CSNK1G1: variants seen among roughly 807,000 people sequenced by gnomAD.
CSNK1G1 encodes casein kinase I isoform gamma-1.
CSNK1G1 carries 22 observed loss-of-function variants against 59.6 expected under a neutral mutation model. The ratio of observed to expected loss-of-function variants is 0.37; its 90% CI spans 0.26 to 0.53. CSNK1G1 has a LOEUF of 0.53. Ranked by LOEUF, CSNK1G1 falls within the 20% of genes least tolerant of loss-of-function variation. CSNK1G1 has a pLI of 0.89. For missense variants in CSNK1G1, 384 were observed against 519.5 expected, an observed-to-expected ratio of 0.74 and a Z score of 2.54; for synonymous variants, 179 against 177.1, an observed-to-expected ratio of 1.01 and a Z score of -0.08.
Position 64,182,132 on chromosome 15 carries a change from C to T in CSNK1G1, c.1108-1678G>A, listed in dbSNP as rs541722953. On this transcript the variant is annotated intron_variant, in intron 10 of 11. Transcript: ENST00000303052. The stretch of plus-strand genomic sequence containing the variant: ...AGGCTGGAGTGCAGTGGCATGATCT[C>T]GGCTCACTGCAACCTCTACCTCCCA... Among the ~76,000 whole-genome samples, 57 of 132,584 alleles carry T rather than the reference C, an allele frequency of 4.3e-4. No individual in the cohort carries two copies. In the South Asian group the frequency reaches 6.9e-3, roughly 16 times the overall value. The allele number at this position is 132,584 out of a possible 152,430, so 87.0% of individuals were successfully genotyped here.
At chr15:64,238,518 A>AATATATATATATATATATATATATAT (rs1212005568) in intron 4 of CSNK1G1, among the ~76,000 whole-genome samples, 2 of 49,246 alleles carry the variant, frequency 4.1e-5, no homozygotes, top group Admixed American at 3.1e-4. Context: ...AAAAAAAAAA[A>AATATATATATATATATATATATATAT]ATATATATAT....
At chr15:64,322,826 TAAATA>T (rs1896632589) in intron 1 of CSNK1G1, among the ~76,000 whole-genome samples, 1 of 152,034 alleles carries the variant, frequency 6.6e-6, no homozygotes, top group African/African-American at 2.4e-5. Context: ...TCTCAAAAAC[TAAATA>T]AGTAAGTAAA....
At position 64,298,785 on chromosome 15, in the gene CSNK1G1, C is replaced by T. The variant is rs187964659; in HGVS notation, c.181+1534G>A. 1.3e-3 allele frequency among the ~76,000 whole-genome samples: 191 copies of T among 151,888 alleles called. 4 individuals carry two copies. In the East Asian group the frequency reaches 0.032, roughly 25 times the overall value. On this transcript the variant is annotated intron_variant, in intron 2 of 11. Transcript: ENST00000303052. ...AGTGGCTCAGCCTGTAATCCCAGCA[C>T]TTTGGGAGGCCGAGGCGGGTGGATC...
chr15:64,254,353 CTTT>C (rs564370323), intron 3 of CSNK1G1, among the ~76,000 whole-genome samples: 4 of 135,164 alleles, frequency 3.0e-5, no homozygotes, highest in African/African-American at 5.5e-5. Context: ...TGCCATTGAA[CTTT>C]TTTTTTTTTT....
intron 6 of CSNK1G1, 141 bp from the exon 7 acceptor site, chr15:64,207,735 G>A: frequency 1.6e-6 from 1 of 628,844 alleles, no homozygotes; most frequent in South Asian, 1.8e-5. Context: ...ACCAAGGATA[G>A]TATTTTAGAT....
chr15:64,275,595 T>G (rs972260923), intron 2 of CSNK1G1, among the ~76,000 whole-genome samples: 1 of 152,156 alleles, frequency 6.6e-6, no homozygotes, highest in Non-Finnish European at 1.5e-5. Context: ...TATTAAAGCT[T>G]AATATCACTG....
chr15:64,336,030 T>A (rs945305267), intron 1 of CSNK1G1, among the ~76,000 whole-genome samples: 20 of 152,196 alleles, frequency 1.3e-4, no homozygotes, highest in Admixed American at 6.5e-5. Context: ...ATAATATTCA[T>A]CTTAATTCAT....
chr15:64,302,935 T>C (rs1473174395), intron 1 of CSNK1G1, among the ~76,000 whole-genome samples: 1 of 152,216 alleles, frequency 6.6e-6, no homozygotes, highest in Non-Finnish European at 1.5e-5. Context: ...ATGTTATTTT[T>C]ATAATACTTT....
intron 4 of CSNK1G1, among the ~76,000 whole-genome samples, chr15:64,217,304 C>T (rs1302022877): frequency 2.0e-5 from 3 of 152,096 alleles, no homozygotes; most frequent in Non-Finnish European, 4.4e-5. Context: ...TCAACAGACA[C>T]TTAGTGTTTG....
chr15:64,222,436 C>A (rs12899354), intron 4 of CSNK1G1, among the ~76,000 whole-genome samples: 97,700 of 114,384 alleles, frequency 0.85, 42,639 homozygotes, highest in East Asian at 0.94. Context: ...AACAACACCA[C>A]CAAAAAAAAA....
chr15:64,256,621 ATT>A (rs374189649), intron 3 of CSNK1G1, among the ~76,000 whole-genome samples: 3,109 of 151,874 alleles, frequency 0.02, 116 homozygotes, highest in African/African-American at 0.071. Context: ...AGCACAGGAG[ATT>A]TTTTTTTAAA....
intron 10 of CSNK1G1, among the ~76,000 whole-genome samples, chr15:64,193,441 G>C (rs562079768): frequency 3.3e-5 from 5 of 149,462 alleles, no homozygotes; most frequent in Non-Finnish European, 5.9e-5. Flanking sequence ...TGCATGAGCC[G>C]AGATCGCGCC....
chr15:64,178,480 TTC>T (rs1567356711), intron 11 of CSNK1G1, among the ~76,000 whole-genome samples: 5 of 144,404 alleles, frequency 3.5e-5, no homozygotes, highest in East Asian at 2.0e-4. Flanking sequence ...AGCAAAAATT[TTC>T]TTTTTTTTTT....
chr15:64,191,246 G>A (rs1385697844), intron 10 of CSNK1G1, among the ~76,000 whole-genome samples: 1 of 152,102 alleles, frequency 6.6e-6, no homozygotes, highest in Non-Finnish European at 1.5e-5. Flanking sequence ...ATTTTTAGTA[G>A]AGACGCGGTT....
intron 4 of CSNK1G1, among the ~76,000 whole-genome samples, chr15:64,249,494 C>T (rs1891954661): frequency 6.6e-6 from 1 of 152,134 alleles, no homozygotes; most frequent in African/African-American, 2.4e-5. Context: ...CATATAGGAC[C>T]TAGAAGGCTT....
intron 2 of CSNK1G1, among the ~76,000 whole-genome samples, chr15:64,268,341 G>T (rs1893093245): frequency 6.6e-6 from 1 of 152,156 alleles, no homozygotes; most frequent in Non-Finnish European, 1.5e-5. Context: ...GAGGAATAAG[G>T]AAAGGTTTGT....
intron 1 of CSNK1G1, among the ~76,000 whole-genome samples, chr15:64,335,051 T>C (rs534143347): frequency 1.9e-4 from 29 of 152,354 alleles, no homozygotes; most frequent in African/African-American, 7.0e-4. Context: ...ATTTTGCAAG[T>C]ACTGCTCAGT....
chr15:64,263,822 CAAAAAAAAAAAA>C (rs869123397), intron 2 of CSNK1G1, among the ~76,000 whole-genome samples: 1 of 53,800 alleles, frequency 1.9e-5, no homozygotes, highest in East Asian at 6.3e-4. Flanking sequence ...TTTTGTTTAC[CAAAAAAAAAAAA>C]AAAAAAAAAA....
At chr15:64,190,501 G>C (rs547310986) in intron 10 of CSNK1G1, among the ~76,000 whole-genome samples, 1 of 152,088 alleles carries the variant, frequency 6.6e-6, no homozygotes, top group South Asian at 2.1e-4. Flanking sequence ...CACAACCTCC[G>C]CCTCTCAGGT....
Sources: gnomAD v4.1 joint callset for allele counts (sites outside exome capture counted in the v4.1 genomes callset) on GRCh38, gnomAD v4.1.1 for gene constraint, MANE v1.5 for transcripts, NCBI Gene and HGNC (gene_info 2026-07-23, HGNC 2026-07-21) for gene names.